Variants in PACRG observed in about 807,000 individuals in gnomAD.
The protein encoded by PACRG is parkin coregulated, also known as parkin coregulated gene protein.
A neutral mutation model predicts 29.7 loss-of-function variants in PACRG; 29 were observed. The observed-to-expected ratio is 0.98, with a 90% confidence interval of 0.73 to 1.33. PACRG has a LOEUF of 1.33. Among genes scored for constraint, PACRG ranks in the 40% most tolerant of loss-of-function variants. The probability of loss-of-function intolerance (pLI) is 0.00; values close to 1 mark genes in which losing one functional copy is unlikely to be tolerated. For synonymous variants in PACRG, 116 were observed against 118.7 expected (o/e 0.98, Z 0.15); for missense variants, 279 against 316.2 (o/e 0.88, Z 0.89).
intron 1 of PACRG, among the ~76,000 whole-genome samples, chr6:162,801,195 A>G (rs943639334): frequency 3.3e-5 from 5 of 151,770 alleles, no homozygotes; most frequent in Non-Finnish European, 5.9e-5. Flanking sequence ...CTGCAACTCC[A>G]CTTCCTGAGT....
chr6:162,888,026 A>G (rs1794481325), intron 2 of PACRG, among the ~76,000 whole-genome samples: 1 of 152,110 alleles, frequency 6.6e-6, no homozygotes, highest in East Asian at 1.9e-4. Flanking sequence ...TCCGCTTCCA[A>G]AGATGGTGCC....
intron 2 of PACRG, among the ~76,000 whole-genome samples, chr6:162,924,879 T>G (rs1225906973): frequency 1.3e-5 from 2 of 151,976 alleles, no homozygotes; most frequent in Admixed American, 6.6e-5. Context: ...ATCCAGGAGC[T>G]GGGTTTTTGA....
chr6:162,925,277 C>A (rs1222531083), intron 2 of PACRG, among the ~76,000 whole-genome samples: 1 of 152,068 alleles, frequency 6.6e-6, no homozygotes. Flanking sequence ...ATATTCCAAA[C>A]AACTGAAAAG....
At chr6:163,161,786 C>T (rs1052573107) in intron 4 of PACRG, among the ~76,000 whole-genome samples, 1 of 152,168 alleles carries the variant, frequency 6.6e-6, no homozygotes, top group Non-Finnish European at 1.5e-5. Flanking sequence ...CATTCCGTGG[C>T]TCCGTTGCAC....
intron 4 of PACRG, among the ~76,000 whole-genome samples, chr6:163,172,858 G>C (rs567091403): frequency 1.3e-5 from 2 of 152,160 alleles, no homozygotes; most frequent in African/African-American, 2.4e-5. Flanking sequence ...ATAGAAAGAG[G>C]CTTGAATGCC....
At chr6:162,814,341 C>A in intron 2 of PACRG, 60 bp downstream of exon 2, 1 of 1,581,152 alleles carries the variant, frequency 6.3e-7, no homozygotes, top group South Asian at 1.1e-5. Context: ...TCTCCCAATG[C>A]CAAACACACT....
chr6:162,846,219 C>G (rs896970315), intron 2 of PACRG, among the ~76,000 whole-genome samples: 1 of 152,240 alleles, frequency 6.6e-6, no homozygotes, highest in Middle Eastern at 3.4e-3. Context: ...CTTTCCTAGC[C>G]CTGCCAGACT....
At chr6:163,187,461 C>T (rs947882712) in intron 4 of PACRG, among the ~76,000 whole-genome samples, 4 of 152,106 alleles carry the variant, frequency 2.6e-5, no homozygotes, top group African/African-American at 9.7e-5. Flanking sequence ...TGAGAGCCCG[C>T]GCTCCTCCCC....
intron 4 of PACRG, among the ~76,000 whole-genome samples, chr6:163,103,559 C>A (rs1030859062): frequency 2.0e-5 from 3 of 151,980 alleles, no homozygotes; most frequent in African/African-American, 7.3e-5. Flanking sequence ...TGGAATAATC[C>A]CTTGTTTTAA....
chr6:163,160,657 A>G (rs1395461195), intron 4 of PACRG, among the ~76,000 whole-genome samples: 2 of 152,184 alleles, frequency 1.3e-5, no homozygotes, highest in Non-Finnish European at 2.9e-5. Flanking sequence ...TAGGAAAGTA[A>G]GGCATTTTAG....
intron 2 of PACRG, among the ~76,000 whole-genome samples, chr6:163,050,857 C>G (rs1809927933): frequency 6.6e-6 from 1 of 152,152 alleles, no homozygotes. Context: ...TGAAAAGTGT[C>G]TAGATCTGCA....
chr6:163,287,380 C>T (rs1001846692), intron 4 of PACRG, among the ~76,000 whole-genome samples: 1 of 152,200 alleles, frequency 6.6e-6, no homozygotes, highest in Admixed American at 6.5e-5. Context: ...AGTTTCCCAA[C>T]CCCAGAAGCC....
intron 2 of PACRG, among the ~76,000 whole-genome samples, chr6:162,967,790 CT>C (rs1390056973): frequency 6.6e-6 from 1 of 152,030 alleles, no homozygotes. Context: ...TGAACTTTCT[CT>C]TTTTTAATGA....
At chr6:162,729,758 G>A (rs926332504) in intron 1 of PACRG, among the ~76,000 whole-genome samples, 2 of 150,818 alleles carry the variant, frequency 1.3e-5, no homozygotes, top group Admixed American at 6.6e-5. Flanking sequence ...TCCTAAACCT[G>A]TATTCATAAT....
rs1779611135 is a variant in PACRG at position 162,729,801 on chromosome 6, TACACCTAAAGAGA to T, written c.156+1411_156+1423del. ...TCATATTAATTCTTTAATATAATCT[TACACCTAAAGAGA>T]TAGTTCTGCAAAATCTGATGTTTCT... On this transcript the variant is annotated intron_variant, in intron 1 of 4. Coordinates refer to ENST00000366888, the MANE Select transcript of PACRG (RefSeq NM_001080379.2). Among the ~76,000 whole-genome samples the T allele has an allele frequency of 2.0e-5, 3 of 152,262 alleles. No homozygotes were observed. The South Asian group carries it at 6.2e-4, about 32-fold the overall frequency.
At chr6:162,904,510 C>T (rs550891730) in intron 2 of PACRG, among the ~76,000 whole-genome samples, 5 of 152,330 alleles carry the variant, frequency 3.3e-5, no homozygotes, top group African/African-American at 1.2e-4. Context: ...TGGATACAGC[C>T]GTGCTGCCGC....
chr6:163,146,133 C>T (rs968702579), intron 4 of PACRG, among the ~76,000 whole-genome samples: 5 of 152,094 alleles, frequency 3.3e-5, no homozygotes, highest in Non-Finnish European at 7.4e-5. Flanking sequence ...ATCACTCTTC[C>T]GTTCTCCCTC....
chr6:163,100,766 G>T, intron 4 of PACRG: 1 of 982,460 alleles, frequency 1.0e-6, no homozygotes, highest in Non-Finnish European at 1.2e-6. Flanking sequence ...TTGACAGAAT[G>T]GAATATAAAT....
chr6:162,907,788 C>T (rs1796032599), intron 2 of PACRG, among the ~76,000 whole-genome samples: 1 of 152,056 alleles, frequency 6.6e-6, no homozygotes. Context: ...GAAAGCAAGT[C>T]CTAAAGTCTT....
Sources: allele counts gnomAD v4.1 joint callset (sites outside exome capture counted in the v4.1 genomes callset), GRCh38; gene constraint gnomAD v4.1.1; transcripts MANE v1.5; gene names NCBI Gene and HGNC (gene_info 2026-07-23, HGNC 2026-07-21).